CACNA1C: variants seen among roughly 807,000 people sequenced by gnomAD.
CACNA1C encodes voltage-dependent L-type calcium channel subunit alpha-1C.
CACNA1C carries 30 observed loss-of-function variants against 229.0 expected under a neutral mutation model. That is an observed-to-expected ratio of 0.13 (90% CI 0.10 to 0.18). The LOEUF is 0.18. CACNA1C is among the 10% of genes least tolerant of loss of function. The pLI is 1.00. For synonymous variants in CACNA1C, 1,114 were observed against 1,132.5 expected (o/e 0.98, Z 0.33); for missense variants, 1,658 against 2,845.0 (o/e 0.58, Z 9.49).
intron 3 of CACNA1C, among the ~76,000 whole-genome samples, chr12:2,367,135 G>A (rs182237134): frequency 1.3e-3 from 201 of 152,310 alleles, no homozygotes; most frequent in Middle Eastern, 3.4e-3. Context: ...GAAGGGATGG[G>A]GGCAGGGTTT....
At chr12:2,580,688 A>C (rs2060174754) in intron 13 of CACNA1C, among the ~76,000 whole-genome samples, 1 of 152,088 alleles carries the variant, frequency 6.6e-6, no homozygotes, top group South Asian at 2.1e-4. Context: ...GGATCGCTGT[A>C]TTTATAGTGG....
At position 2,691,255 on chromosome 12, in the gene CACNA1C, C is replaced by A; in HGVS notation, c.*56C>A. 1 of 1,463,456 alleles carries A rather than the reference C, an allele frequency of 6.8e-7. No homozygotes were observed. The highest frequency in any genetic ancestry group is 9.1e-7 in the Non-Finnish European group (1 of 1,100,818). 90.7% of individuals were successfully genotyped at this position (1,463,456 alleles called of 1,614,324 possible). On this transcript the variant is annotated 3_prime_UTR_variant, in exon 47 of 47. Coordinates refer to ENST00000399655, the MANE Select transcript of CACNA1C (RefSeq NM_000719.7). ...TTTGTTTCAATGTTCCTAATGGGTT[C>A]GTTTCAGAAGTGCCTCACTGTTCTC...
intron 1 of CACNA1C, among the ~76,000 whole-genome samples, chr12:2,009,645 C>CT (rs1050976262): frequency 6.6e-6 from 1 of 152,114 alleles, no homozygotes; most frequent in Non-Finnish European, 1.5e-5. Flanking sequence ...ATGAGTTGCC[C>CT]TTTTTTTGCT....
chr12:2,440,375 G>C (rs1384893008), intron 3 of CACNA1C, among the ~76,000 whole-genome samples: 1 of 152,162 alleles, frequency 6.6e-6, no homozygotes, highest in Non-Finnish European at 1.5e-5. Context: ...GGATCATACG[G>C]TATTTGTCCT....
At chr12:2,060,221 G>A (rs2056952387) in intron 1 of CACNA1C, among the ~76,000 whole-genome samples, 2 of 152,154 alleles carry the variant, frequency 1.3e-5, no homozygotes, top group African/African-American at 4.8e-5. Context: ...GGGAAGCCGG[G>A]CTGTGCTGTG....
At chr12:2,444,119 A>T (rs977368486) in intron 3 of CACNA1C, among the ~76,000 whole-genome samples, 7 of 152,130 alleles carry the variant, frequency 4.6e-5, no homozygotes, top group Non-Finnish European at 1.0e-4. Flanking sequence ...ATCAGGCATG[A>T]GGATTGTGAA....
At chr12:2,500,381 GGAAATC>G (rs1328601458) in intron 7 of CACNA1C, among the ~76,000 whole-genome samples, 1 of 152,226 alleles carries the variant, frequency 6.6e-6, no homozygotes, top group Non-Finnish European at 1.5e-5. Flanking sequence ...TCGGGCCTTA[GGAAATC>G]TCCAAGGCGC....
chr12:2,620,197 G>A (rs948225431), intron 29 of CACNA1C, among the ~76,000 whole-genome samples: 12 of 152,252 alleles, frequency 7.9e-5, no homozygotes, highest in African/African-American at 2.9e-4. Flanking sequence ...TAAGTCCAGA[G>A]CTGGCTTTTT....
chr12:2,372,429 A>G (rs1197612574), intron 3 of CACNA1C, among the ~76,000 whole-genome samples: 1 of 152,172 alleles, frequency 6.6e-6, no homozygotes, highest in Non-Finnish European at 1.5e-5. Flanking sequence ...CTATAGCAAC[A>G]TCAGGTTGAC....
At chr12:2,212,850 A>G (rs1346993925) in intron 3 of CACNA1C, among the ~76,000 whole-genome samples, 2 of 152,246 alleles carry the variant, frequency 1.3e-5, no homozygotes, top group Non-Finnish European at 2.9e-5. Flanking sequence ...AAGGAAGCAC[A>G]GAACTGGACA....
At chr12:2,478,901 G>T (rs2099646150) in intron 5 of CACNA1C, among the ~76,000 whole-genome samples, 1 of 152,204 alleles carries the variant, frequency 6.6e-6, no homozygotes, top group African/African-American at 2.4e-5. Context: ...GTCTGTGGTA[G>T]CCTCAAGAAA....
intron 3 of CACNA1C, among the ~76,000 whole-genome samples, chr12:2,230,327 G>A (rs930432485): frequency 1.3e-5 from 2 of 152,188 alleles, no homozygotes; most frequent in Non-Finnish European, 2.9e-5. Context: ...GAGGGCAAGC[G>A]GGGCCTCTCG....
intron 3 of CACNA1C, among the ~76,000 whole-genome samples, chr12:2,356,533 G>GCC (rs2097368703): frequency 6.6e-6 from 1 of 152,250 alleles, no homozygotes; most frequent in African/African-American, 2.4e-5. Context: ...GCTGCCCTTG[G>GCC]CCCCAAGGCT....
intron 3 of CACNA1C, among the ~76,000 whole-genome samples, chr12:2,441,212 A>G (rs2099222260): frequency 6.6e-6 from 1 of 152,184 alleles, no homozygotes; most frequent in Non-Finnish European, 1.5e-5. Context: ...GGGCACACAC[A>G]AGCTGTCTTG....
At chr12:2,545,994 T>C (rs1207576610) in intron 9 of CACNA1C, among the ~76,000 whole-genome samples, 1 of 151,636 alleles carries the variant, frequency 6.6e-6, no homozygotes, top group East Asian at 1.9e-4. Flanking sequence ...TGCTTCCATG[T>C]AGTAGCTGGA....
At chr12:2,046,509 G>A (rs1235629513) in intron 1 of CACNA1C, among the ~76,000 whole-genome samples, 2 of 152,132 alleles carry the variant, frequency 1.3e-5, no homozygotes, top group African/African-American at 4.8e-5. Flanking sequence ...TGCTGAGGTA[G>A]AGGGCCATCA....
chr12:2,631,631 A>G (rs1157256798), intron 29 of CACNA1C, among the ~76,000 whole-genome samples: 4 of 152,326 alleles, frequency 2.6e-5, no homozygotes, highest in Middle Eastern at 3.4e-3. Context: ...AATGGGAGAA[A>G]GAAGTCTCTC....
intron 1 of CACNA1C, among the ~76,000 whole-genome samples, chr12:2,006,949 A>T (rs1389825328): frequency 6.6e-6 from 1 of 152,236 alleles, no homozygotes; most frequent in African/African-American, 2.4e-5. Context: ...TTTGAAAAAC[A>T]TAGGGCTGCA....
chr12:2,674,482 A>T (rs1031446475), intron 38 of CACNA1C, 59 bp from the exon 39 acceptor site: 10 of 1,528,402 alleles, frequency 6.5e-6, no homozygotes, highest in Non-Finnish European at 8.8e-6. Flanking sequence ...TACCTTACGC[A>T]GAGGGACCCA....
Sources: allele counts gnomAD v4.1 joint callset (sites outside exome capture counted in the v4.1 genomes callset), GRCh38; gene constraint gnomAD v4.1.1; transcripts MANE v1.5; gene names NCBI Gene and HGNC (gene_info 2026-07-23, HGNC 2026-07-21).